Variants in UBE4B observed in about 807,000 individuals in gnomAD.
UBE4B encodes the protein ubiquitin conjugation factor E4 B.
Under a neutral mutation model 148.1 loss-of-function variants are expected in UBE4B, and 27 were observed. The ratio of observed to expected loss-of-function variants is 0.18; its 90% CI spans 0.13 to 0.25. The LOEUF is 0.25. UBE4B is among the 10% of genes least tolerant of loss of function. UBE4B has a pLI of 1.00. For missense variants in UBE4B, 1,170 were observed against 1,662.4 expected (o/e 0.70, Z 5.15); for synonymous variants, 596 against 619.3 (o/e 0.96, Z 0.56).
intron 14 of UBE4B, 91 bp downstream of exon 14, chr1:10,130,904 G>C (rs1454442894): frequency 1.2e-5 from 14 of 1,138,572 alleles, no homozygotes; most frequent in African/African-American, 1.6e-5. Context: ...ATGCCCAGTA[G>C]ACAAACGGCT....
In UBE4B at chr1:10,171,306, G is replaced by A; in HGVS notation, c.3502G>A (p.Ala1168Thr). The A allele has an allele frequency of 1.2e-6, 2 of 1,613,680 alleles. No homozygotes were observed. Among genetic ancestry groups the A allele is most frequent in the Non-Finnish European group, 1.7e-6 (2 of 1,179,824 alleles). Residue 1168 changes from alanine to threonine, a missense_variant, in exon 25 of 28, where the codon GCG (alanine) becomes ACG (threonine). Ala to Thr is a moderately conservative substitution (Grantham distance 58). This residue lies in a region of UBE4B where 348 missense variants were observed against 627.2 expected (regional missense o/e 0.55). Transcript: ENST00000343090. ...IYLQLDCARF[A>T]KAIADDQRSY... is the part of the protein sequence containing the mutation. ...CTTACAGCTGGACTGTGCTCGGTTCGCGAAAGCCATTGCTGACGACCAGGT... is the reference window on the plus strand; with the variant it reads ...CTTACAGCTGGACTGTGCTCGGTTCACGAAAGCCATTGCTGACGACCAGGT...
rs757933390 is a variant in UBE4B, at chr1:10,072,116, C to T, written c.113C>T (p.Pro38Leu). ...PLTSPQRENPPGPPIAASAPG... is the reference protein window; with the variant it reads ...PLTSPQRENPLGPPIAASAPG... The stretch of plus-strand genomic sequence containing the variant: ...ACCTCTCCCCAGAGGGAGAACCCTC[C>T]GGGGCCTCCCATAGCGGCATCAGCC... The change falls in exon 2 of 28, where the codon CCG becomes CTG. Residue 38 changes from proline to leucine, a missense_variant. Physicochemically the swap from Pro to Leu is moderately conservative, Grantham distance 98. Transcript: ENST00000343090. 49 of 1,613,636 alleles carry T rather than the reference C, an allele frequency of 3.0e-5. No individual in the cohort carries two copies. Among genetic ancestry groups the T allele is most frequent in the African/African-American group, 4.0e-5 (3 of 75,008 alleles).
At chr1:10,090,947 A>G (rs901845082) in intron 2 of UBE4B, among the ~76,000 whole-genome samples, 6 of 152,206 alleles carry the variant, frequency 3.9e-5, no homozygotes, top group African/African-American at 1.4e-4. Flanking sequence ...TCTTACAGAC[A>G]TGAAATTTTT....
In UBE4B at chr1:10,132,863, C is replaced by T. The variant is rs913857109; in HGVS notation, c.2025+381C>T. ...AGAAAAGAGCTATCCAATGTGGAAACGAAGCAGCTTTGGTACAAGCCCAGC... is the reference window on the plus strand; with the variant it reads ...AGAAAAGAGCTATCCAATGTGGAAATGAAGCAGCTTTGGTACAAGCCCAGC... On this transcript the variant is annotated intron_variant, in intron 15 of 27. Coordinates refer to ENST00000343090, the MANE Select transcript of UBE4B (RefSeq NM_001105562.3). Among the ~76,000 whole-genome samples the T allele has an allele frequency of 3.9e-5, 6 of 152,116 alleles. No individual in the cohort carries two copies. The East Asian group carries it at 5.8e-4, about 15-fold the overall frequency.
rs1423619901 is a variant in UBE4B at position 10,072,033 on chromosome 1, A to T, written c.30A>T (p.Arg10=). 6.3e-7 allele frequency: 1 copy of T among 1,583,012 alleles called. No individual in the cohort carries two copies. Among genetic ancestry groups the T allele is most frequent in the Admixed American group, 1.9e-5 (1 of 51,440 alleles). Residue 10 remains arginine (R), a synonymous_variant, in exon 2 of 28, where the codon CGA becomes CGT. Transcript: ENST00000343090. MEELSADEI[R]RRRLARLAGG... Reference sequence around the variant, plus strand: ...CTTTTCCCCTCATGTTGTAGATTCGACGGAGGCGCCTTGCACGACTTGCTG... The same window carrying T: ...CTTTTCCCCTCATGTTGTAGATTCGTCGGAGGCGCCTTGCACGACTTGCTG...
In UBE4B at chr1:10,149,291, C is replaced by G. The variant is rs1216480347; in HGVS notation, c.2690+9C>G. 3 of 1,579,862 alleles carry G rather than the reference C, an allele frequency of 1.9e-6. No individual in the cohort carries two copies. Among genetic ancestry groups the G allele is most frequent in the Admixed American group, 3.7e-5 (2 of 54,200 alleles). On this transcript the variant is annotated intron_variant, in intron 20 of 27. Transcript: ENST00000343090. ...TTATTTTTTATTGTACAGTAAGTGC[C>G]TTTAATATTTTACATAGTTCTAATA...
At chr1:10,113,128 G>A (rs1160473077) in intron 7 of UBE4B, among the ~76,000 whole-genome samples, 1 of 152,198 alleles carries the variant, frequency 6.6e-6, no homozygotes, top group African/African-American at 2.4e-5. Context: ...TGCTTCTTGT[G>A]AGGGCCTCAG....
At chr1:10,093,028 A>G (rs1644874880) in intron 2 of UBE4B, among the ~76,000 whole-genome samples, 1 of 152,338 alleles carries the variant, frequency 6.6e-6, no homozygotes, top group East Asian at 1.9e-4. Context: ...CAAATGCAGT[A>G]TGTTACACTA....
intron 3 of UBE4B, chr1:10,100,829 C>T (rs1644999025): frequency 3.2e-6 from 1 of 310,724 alleles, no homozygotes; most frequent in Non-Finnish European, 6.1e-6. Flanking sequence ...GCTGGGATTA[C>T]AGGCGTGAGC....
At chr1:10,063,815 G>A (rs936942524) in intron 1 of UBE4B, among the ~76,000 whole-genome samples, 1 of 151,936 alleles carries the variant, frequency 6.6e-6, no homozygotes, top group Non-Finnish European at 1.5e-5. Flanking sequence ...GGCTGAGGCA[G>A]GAGAATCGCT....
intron 15 of UBE4B, among the ~76,000 whole-genome samples, chr1:10,133,565 G>A (rs1645630754): frequency 6.6e-6 from 1 of 152,196 alleles, no homozygotes; most frequent in Non-Finnish European, 1.5e-5. Flanking sequence ...GAGAAACAAT[G>A]TCACATGATA....
intron 23 of UBE4B, among the ~76,000 whole-genome samples, chr1:10,167,773 A>G (rs1646276090): frequency 6.6e-6 from 1 of 151,874 alleles, no homozygotes; most frequent in African/African-American, 2.4e-5. Context: ...TTGTATTTTT[A>G]GTAGCGACGG....
At position 10,038,098 on chromosome 1, in the gene UBE4B, T is replaced by G. The variant is rs1358241017; in HGVS notation, c.24+4404T>G. On this transcript the variant is annotated intron_variant, in intron 1 of 27. Coordinates refer to ENST00000343090, the MANE Select transcript of UBE4B (RefSeq NM_001105562.3). The stretch of plus-strand genomic sequence containing the variant: ...GAGTTCAAGACCAGCCTGTCCAACA[T>G]GGAGAAACCCCATCTCTACTAAAAA... Among the ~76,000 whole-genome samples the G allele has an allele frequency of 2.6e-5, 4 of 151,930 alleles. 1 individual carries two copies. Among genetic ancestry groups the G allele is most frequent in the Middle Eastern group, 6.8e-3 (2 of 294 alleles).
intron 16 of UBE4B, 53 bp from the exon 17 acceptor site, chr1:10,137,014 C>G: frequency 6.3e-7 from 1 of 1,584,974 alleles, no homozygotes; most frequent in Non-Finnish European, 8.6e-7. Context: ...AGCTTTTTCT[C>G]TGATTGAGAC....
intron 1 of UBE4B, among the ~76,000 whole-genome samples, chr1:10,061,429 T>C (rs1644283548): frequency 6.6e-6 from 1 of 152,106 alleles, no homozygotes; most frequent in Admixed American, 6.5e-5. Flanking sequence ...TAATCTTTTA[T>C]ATTTTTTATT....
At chr1:10,143,621 C>T (rs1645818702) in intron 17 of UBE4B, among the ~76,000 whole-genome samples, 1 of 152,216 alleles carries the variant, frequency 6.6e-6, no homozygotes, top group Non-Finnish European at 1.5e-5. Flanking sequence ...ATCACATGTT[C>T]ACAGGTTCCC....
intron 1 of UBE4B, among the ~76,000 whole-genome samples, chr1:10,051,944 G>A (rs1267170329): frequency 6.6e-6 from 1 of 152,160 alleles, no homozygotes; most frequent in Admixed American, 6.5e-5. Context: ...GGGAAAAGAG[G>A]TATCTTTTGG....
chr1:10,159,565 G>T (rs1646127985), intron 22 of UBE4B, among the ~76,000 whole-genome samples: 1 of 152,168 alleles, frequency 6.6e-6, no homozygotes, highest in Non-Finnish European at 1.5e-5. Context: ...GGCGCCTGTA[G>T]TCCCAGCTAC....
chr1:10,147,736 G>A (rs181046062), intron 19 of UBE4B, among the ~76,000 whole-genome samples: 48 of 152,234 alleles, frequency 3.2e-4, no homozygotes, highest in Non-Finnish European at 5.7e-4. Flanking sequence ...TAAGCACTGG[G>A]TCCAGGAATA....
Sources: allele counts gnomAD v4.1 joint callset (sites outside exome capture counted in the v4.1 genomes callset), GRCh38; gene constraint gnomAD v4.1.1; regional missense constraint gnomAD v4.1.1; transcripts MANE v1.5; gene names NCBI Gene and HGNC (gene_info 2026-07-23, HGNC 2026-07-21).